Variants in ZDHHC15 observed in about 807,000 individuals in gnomAD.
The protein encoded by ZDHHC15 is zDHHC palmitoyltransferase 15.
ZDHHC15 carries 19 observed loss-of-function variants against 31.7 expected under a neutral mutation model. That is an observed-to-expected ratio of 0.60 (90% confidence interval 0.42 to 0.88). ZDHHC15 has a LOEUF of 0.88. ZDHHC15 is among the 40% of genes least tolerant of loss of function. The probability of loss-of-function intolerance (pLI) is 0.00; values close to 1 mark genes in which losing one functional copy is unlikely to be tolerated. For missense variants in ZDHHC15, 209 were observed against 251.2 expected (o/e 0.83, Z 1.14); for synonymous variants, 103 against 90.0 (o/e 1.14, Z -0.82).
intron 3 of ZDHHC15, among the ~76,000 whole-genome samples, chrX:75,474,011 C>G (rs1458655625): frequency 9.0e-6 from 1 of 111,018 alleles, no homozygotes; most frequent in Non-Finnish European, 1.9e-5. Flanking sequence ...TGTATGGTCT[C>G]AGGAGATGTG....
At chrX:75,393,797 A>G (rs974693680) in intron 10 of ZDHHC15, among the ~76,000 whole-genome samples, 1 of 111,703 alleles carries the variant, frequency 9.0e-6, no homozygotes, top group African/African-American at 3.3e-5. Flanking sequence ...TAAGTATTAT[A>G]CCACCACAAG....
At chrX:75,391,520 T>C (rs748838754) in intron 10 of ZDHHC15, among the ~76,000 whole-genome samples, 3 of 112,072 alleles carry the variant, frequency 2.7e-5, no homozygotes, top group Non-Finnish European at 5.6e-5. Flanking sequence ...AGCAGACTTT[T>C]CAGAGGAAAC....
chrX:75,410,377 A>G (rs1422878951), intron 10 of ZDHHC15, among the ~76,000 whole-genome samples: 3 of 111,778 alleles, frequency 2.7e-5, no homozygotes, highest in Non-Finnish European at 1.9e-5. Flanking sequence ...AAAAGAAAAA[A>G]AAAGAAAAGA....
intron 2 of ZDHHC15, among the ~76,000 whole-genome samples, chrX:75,504,843 GA>G (rs1339633690): frequency 8.9e-6 from 1 of 111,763 alleles, no homozygotes; most frequent in Non-Finnish European, 1.9e-5. Flanking sequence ...ATAATGGTAG[GA>G]AACATGCACT....
intron 10 of ZDHHC15, among the ~76,000 whole-genome samples, chrX:75,407,731 A>G (rs2083435756): frequency 8.8e-6 from 1 of 113,208 alleles, no homozygotes; most frequent in Non-Finnish European, 1.9e-5. Context: ...CTCATTGAGA[A>G]TGGGCCATGA....
At chrX:75,408,564 C>T (rs2083446190) in intron 10 of ZDHHC15, among the ~76,000 whole-genome samples, 1 of 111,816 alleles carries the variant, frequency 8.9e-6, no homozygotes, top group South Asian at 3.7e-4. Flanking sequence ...CCACTTTCAC[C>T]AATTTTATGC....
At chrX:75,450,352 T>A (rs2084098270) in intron 4 of ZDHHC15, among the ~76,000 whole-genome samples, 2 of 111,867 alleles carry the variant, frequency 1.8e-5, no homozygotes, top group African/African-American at 6.5e-5. Flanking sequence ...GGGGGTTTAG[T>A]TACACAGATG....
chrX:75,407,181 G>A (rs928991051), intron 10 of ZDHHC15, among the ~76,000 whole-genome samples: 3 of 108,074 alleles, frequency 2.8e-5, no homozygotes, highest in Non-Finnish European at 5.8e-5. Context: ...GCCTGGCCGC[G>A]ACCCCATCTG....
chrX:75,405,477 T>C (rs1365018536), intron 10 of ZDHHC15, among the ~76,000 whole-genome samples: 1 of 111,686 alleles, frequency 9.0e-6, no homozygotes, highest in Non-Finnish European at 1.9e-5. Flanking sequence ...TGGAAAATGA[T>C]ACTCCATGCA....
At chrX:75,378,811 A>G (rs2083085544) in intron 11 of ZDHHC15, among the ~76,000 whole-genome samples, 1 of 111,454 alleles carries the variant, frequency 9.0e-6, no homozygotes, top group Admixed American at 9.6e-5. Flanking sequence ...ATGAAACAGG[A>G]GGAGGCTTAT....
chrX:75,497,248 A>T (rs2367297), intron 2 of ZDHHC15, among the ~76,000 whole-genome samples: 19,966 of 110,760 alleles, frequency 0.18, 1,962 homozygotes, highest in East Asian at 0.85. Context: ...AGATGGATAA[A>T]TTCCTAGAAA....
At position 75,490,706 on chromosome X, in the gene ZDHHC15, C is replaced by T. The variant is rs776595802; in HGVS notation, c.164-11721G>A. ...TAGTTCTCCTTGAAGAGGTCTTTCACGTCCGTTGTAAGTTGGATTCCTAGG... is the reference window on the plus strand; with the variant it reads ...TAGTTCTCCTTGAAGAGGTCTTTCATGTCCGTTGTAAGTTGGATTCCTAGG... On this transcript the variant is annotated intron_variant, in intron 2 of 11. Transcript: ENST00000373367. Among the ~76,000 whole-genome samples the T allele has an allele frequency of 5.4e-5, 6 of 111,185 alleles. No homozygotes were observed. In the East Asian group the frequency reaches 1.7e-3, roughly 31 times the overall value.
intron 2 of ZDHHC15, among the ~76,000 whole-genome samples, chrX:75,488,082 A>G (rs1312429043): frequency 8.9e-6 from 1 of 112,428 alleles, no homozygotes; most frequent in Admixed American, 9.5e-5. Flanking sequence ...AAAATCTAAA[A>G]GTTCGGACAA....
chrX:75,447,193 C>T (rs756757125), intron 4 of ZDHHC15, among the ~76,000 whole-genome samples: 1 of 112,014 alleles, frequency 8.9e-6, no homozygotes, highest in East Asian at 2.8e-4. Context: ...TAGCACCATT[C>T]TCTGGGGTGA....
intron 2 of ZDHHC15, among the ~76,000 whole-genome samples, chrX:75,485,102 T>C (rs991579036): frequency 9.0e-6 from 1 of 111,437 alleles, no homozygotes; most frequent in African/African-American, 3.3e-5. Flanking sequence ...TCATTTGGGG[T>C]AATATAAATA....
intron 3 of ZDHHC15, among the ~76,000 whole-genome samples, chrX:75,469,981 T>C (rs1001286733): frequency 1.8e-5 from 2 of 111,792 alleles, no homozygotes; most frequent in African/African-American, 3.3e-5. Context: ...ATTAATCTAA[T>C]GATTAACGAT....
intron 11 of ZDHHC15, 114 bp downstream of exon 11, chrX:75,379,006 A>C: frequency 1.8e-6 from 1 of 548,886 alleles, no homozygotes; most frequent in Non-Finnish European, 2.9e-6. Context: ...AAGAGTGAAG[A>C]ATTTAAAATC....
chrX:75,373,027 GC>G (rs1238414086), intron 11 of ZDHHC15, 82 bp from the exon 12 acceptor site: 1 of 111,351 alleles, frequency 9.0e-6, no homozygotes, highest in Non-Finnish European at 1.9e-5. Flanking sequence ...ACAATAATAT[GC>G]AACCATTAAA....
intron 4 of ZDHHC15, among the ~76,000 whole-genome samples, chrX:75,448,273 C>A (rs138468131): frequency 0.02 from 2,290 of 112,014 alleles, 28 homozygotes; most frequent in Non-Finnish European, 0.034. Flanking sequence ...TGGGTCACCA[C>A]GTCAGGTAAA....
Sources: gnomAD v4.1 joint callset for allele counts (sites outside exome capture counted in the v4.1 genomes callset) on GRCh38, gnomAD v4.1.1 for gene constraint, MANE v1.5 for transcripts, NCBI Gene and HGNC (gene_info 2026-07-23, HGNC 2026-07-21) for gene names.